Variants in OPCML observed in about 807,000 individuals in gnomAD.
OPCML encodes the protein opioid binding protein/cell adhesion molecule like.
Under a neutral mutation model 37.8 loss-of-function variants are expected in OPCML, and 13 were observed. The ratio of observed to expected loss-of-function variants is 0.34; its 90% CI spans 0.22 to 0.55. The LOEUF (loss-of-function observed/expected upper bound fraction) is 0.55. Among genes scored for constraint, OPCML ranks in the 20% least tolerant of loss-of-function variants. The probability of loss-of-function intolerance (pLI) is 0.91; values close to 1 mark genes in which losing one functional copy is unlikely to be tolerated. For synonymous variants in OPCML, 176 were observed against 168.8 expected (o/e 1.04, Z -0.33); for missense variants, 341 against 435.6 (o/e 0.78, Z 1.93).
At chr11:132,716,632 C>CT (rs1944504606) in intron 2 of OPCML, among the ~76,000 whole-genome samples, 1 of 152,156 alleles carries the variant, frequency 6.6e-6, no homozygotes, top group Admixed American at 6.5e-5. Context: ...AAAATGTACT[C>CT]TTCCTATTTG....
chr11:132,957,237 G>A (rs933523427), intron 1 of OPCML, among the ~76,000 whole-genome samples: 1 of 152,150 alleles, frequency 6.6e-6, no homozygotes, highest in South Asian at 2.1e-4. Context: ...GAAGGAGACG[G>A]AGAATCCATT....
intron 2 of OPCML, among the ~76,000 whole-genome samples, chr11:132,883,029 T>C (rs2136434313): frequency 6.6e-6 from 1 of 152,236 alleles, no homozygotes; most frequent in African/African-American, 2.4e-5. Context: ...CTGCGACAGT[T>C]GAAAAAGAAT....
chr11:133,210,460 G>A (rs750146289), intron 1 of OPCML, among the ~76,000 whole-genome samples: 25 of 152,050 alleles, frequency 1.6e-4, no homozygotes, highest in Non-Finnish European at 3.1e-4. Context: ...TCTGGTCTGG[G>A]TTCTTTCTCT....
intron 2 of OPCML, among the ~76,000 whole-genome samples, chr11:132,782,917 G>GTGTA (rs376141259): frequency 0.013 from 1,629 of 125,034 alleles, 23 homozygotes; most frequent in African/African-American, 0.035. Flanking sequence ...TATAGTGTGT[G>GTGTA]TATATATATA....
Position 132,545,093 on chromosome 11 carries a change from G to A in OPCML, c.380-15907C>T, listed in dbSNP as rs79826137. ...ACCTCTCTTTGCAGGTAATTGTCAC[G>A]TACATATGATTGGGGGAGGGTAACA... On this transcript the variant is annotated intron_variant, in intron 3 of 7. Coordinates refer to ENST00000524381, the MANE Select transcript of OPCML (RefSeq NM_001012393.5). Among the ~76,000 whole-genome samples, 256 of 152,076 alleles carry A rather than the reference G, an allele frequency of 1.7e-3. 1 individual carries two copies. Among genetic ancestry groups the A allele is most frequent in the African/African-American group, 5.9e-3 (245 of 41,482 alleles).
intron 1 of OPCML, among the ~76,000 whole-genome samples, chr11:133,310,302 T>A (rs1288542503): frequency 1.3e-5 from 2 of 152,060 alleles, no homozygotes; most frequent in Non-Finnish European, 2.9e-5. Flanking sequence ...AATGAAGAAA[T>A]GAATCTCTCT....
At chr11:132,499,675 A>G (rs2096241532) in intron 4 of OPCML, among the ~76,000 whole-genome samples, 4 of 152,200 alleles carry the variant, frequency 2.6e-5, no homozygotes. Flanking sequence ...TTTCCTCTCT[A>G]TGCCTCAGCA....
At chr11:133,456,434 T>C (rs1946672803) in intron 1 of OPCML, among the ~76,000 whole-genome samples, 1 of 151,944 alleles carries the variant, frequency 6.6e-6, no homozygotes. Flanking sequence ...GAAAGGTTGA[T>C]GTGTTTTCAA....
intron 1 of OPCML, among the ~76,000 whole-genome samples, chr11:133,458,631 GTGTA>G (rs1412468256): frequency 3.1e-5 from 4 of 129,024 alleles, no homozygotes; most frequent in African/African-American, 1.3e-4. Flanking sequence ...ACACGTGTGT[GTGTA>G]TATACACATA....
chr11:133,373,365 C>A (rs1327644698), intron 1 of OPCML, among the ~76,000 whole-genome samples: 1 of 149,298 alleles, frequency 6.7e-6, no homozygotes, highest in Non-Finnish European at 1.5e-5. Flanking sequence ...GAGTTTGAGA[C>A]CAGCCTGGGC....
chr11:132,708,144 G>A (rs978735545), intron 2 of OPCML, among the ~76,000 whole-genome samples: 3 of 152,150 alleles, frequency 2.0e-5, no homozygotes, highest in African/African-American at 7.2e-5. Context: ...TTTAAAGTGA[G>A]TGCTGAATGA....
At position 133,320,893 on chromosome 11, in the gene OPCML, G is replaced by A. The variant is rs569663980; in HGVS notation, c.61+211371C>T. Among the ~76,000 whole-genome samples, 3 of 152,268 alleles carry A rather than the reference G, an allele frequency of 2.0e-5. No individual in the cohort carries two copies. The East Asian group carries it at 5.8e-4, about 30-fold the overall frequency. On this transcript the variant is annotated intron_variant, in intron 1 of 7. Coordinates refer to ENST00000524381, the MANE Select transcript of OPCML (RefSeq NM_001012393.5). ...GCTCAATACGCAGAACACAATAACG[G>A]CAGCACCCAGCTGGCTGAGGGCTGA...
At chr11:133,040,194 C>A (rs1947863756) in intron 1 of OPCML, among the ~76,000 whole-genome samples, 1 of 152,090 alleles carries the variant, frequency 6.6e-6, no homozygotes, top group Non-Finnish European at 1.5e-5. Context: ...TTAAACCACA[C>A]TATTTGACCC....
At chr11:133,327,475 G>C (rs965867840) in intron 1 of OPCML, among the ~76,000 whole-genome samples, 1 of 151,882 alleles carries the variant, frequency 6.6e-6, no homozygotes, top group Non-Finnish European at 1.5e-5. Context: ...CCTAGACAGG[G>C]AGGTAACAGA....
chr11:133,047,480 A>G (rs1457661908), intron 1 of OPCML, among the ~76,000 whole-genome samples: 7 of 152,212 alleles, frequency 4.6e-5, no homozygotes, highest in Non-Finnish European at 1.5e-5. Flanking sequence ...TTTGGGATCC[A>G]TTCCTGAATG....
At chr11:132,649,328 T>C (rs1202982934) in intron 3 of OPCML, among the ~76,000 whole-genome samples, 1 of 152,142 alleles carries the variant, frequency 6.6e-6, no homozygotes, top group East Asian at 1.9e-4. Context: ...CCACACACAA[T>C]GTCATGAAAG....
At chr11:133,386,307 G>T (rs1361712459) in intron 1 of OPCML, among the ~76,000 whole-genome samples, 2 of 152,162 alleles carry the variant, frequency 1.3e-5, no homozygotes, top group African/African-American at 4.8e-5. Context: ...ATTAGCAGAA[G>T]AAATAGACTT....
intron 1 of OPCML, among the ~76,000 whole-genome samples, chr11:132,975,666 A>AGTCAT (rs1374348606): frequency 6.8e-6 from 1 of 147,822 alleles, no homozygotes; most frequent in Non-Finnish European, 1.5e-5. Context: ...CTTCCTACTT[A>AGTCAT]GTCATTTCCT....
chr11:133,480,390 C>A (rs931669265), intron 1 of OPCML, among the ~76,000 whole-genome samples: 18 of 152,236 alleles, frequency 1.2e-4, no homozygotes, highest in African/African-American at 4.1e-4. Context: ...CTCTGCACCT[C>A]GGCATCCCAC....
Sources: gnomAD v4.1 joint callset for allele counts (sites outside exome capture counted in the v4.1 genomes callset) on GRCh38, gnomAD v4.1.1 for gene constraint, MANE v1.5 for transcripts, NCBI Gene and HGNC (gene_info 2026-07-23, HGNC 2026-07-21) for gene names.